ADGRV1: variants seen among roughly 807,000 people sequenced by gnomAD.
ADGRV1 encodes the protein G-protein coupled receptor 98.
Under a neutral mutation model 596.2 loss-of-function variants are expected in ADGRV1, and 359 were observed. That is an observed-to-expected ratio of 0.60 (90% confidence interval 0.55 to 0.66). The LOEUF (loss-of-function observed/expected upper bound fraction) is 0.66, where lower values mean the gene tolerates loss of function less well. ADGRV1 is among the 30% of genes least tolerant of loss of function. ADGRV1 has a pLI of 0.00. For synonymous variants in ADGRV1, 2,681 were observed against 2,679.2 expected (o/e 1.00, Z -0.02); for missense variants, 7,274 against 7,575.6 (o/e 0.96, Z 1.48).
chr5:90,788,148 C>CG lies in ADGRV1; in HGVS notation c.13734dup (p.Leu4579ValfsTer22). The CG allele has an allele frequency of 6.2e-7, 1 of 1,613,424 alleles. No homozygotes were observed. Among genetic ancestry groups the CG allele is most frequent in the Non-Finnish European group, 8.5e-7 (1 of 1,179,492 alleles). ...ATAGAGACATTGCAGACCCAGTGAGCGGGTTGTTCTATTTTGGAGAAGGAG... is the reference window on the plus strand; with the variant it reads ...ATAGAGACATTGCAGACCCAGTGAGCGGGGTTGTTCTATTTTGGAGAAGGAG... On this transcript the variant is annotated frameshift_variant, in exon 68 of 90. Coordinates refer to ENST00000405460, the MANE Select transcript of ADGRV1 (RefSeq NM_032119.4). LOFTEE classifies it high-confidence loss of function.
At position 90,690,927 on chromosome 5, in the gene ADGRV1, G is replaced by T; in HGVS notation, c.6837G>T (p.Gln2279His). Reference sequence around the variant, plus strand: ...AGTGGGTTGCCACCATTAATGGACAGCTTGCTACTGGCGACCTGCGAGTTG... The same window carrying T: ...AGTGGGTTGCCACCATTAATGGACATCTTGCTACTGGCGACCTGCGAGTTG... ...TVQWVATING[Q>H]LATGDLRVVS... The change falls in exon 31 of 90, where the codon CAG (glutamine) becomes CAT (histidine). Residue 2279 changes from glutamine to histidine, a missense_variant. Transcript: ENST00000405460. 6 of 1,613,830 alleles carry T rather than the reference G, an allele frequency of 3.7e-6. No individual in the cohort carries two copies. The highest frequency in any genetic ancestry group is 5.1e-6 in the Non-Finnish European group (6 of 1,179,822).
At chr5:90,785,964 C>A (rs1039862760) in intron 67 of ADGRV1, among the ~76,000 whole-genome samples, 1 of 152,124 alleles carries the variant, frequency 6.6e-6, no homozygotes, top group East Asian at 1.9e-4. Flanking sequence ...ATTTTTATTG[C>A]GGCACTGTTG....
At chr5:90,743,583 T>C (rs1006602341) in intron 50 of ADGRV1, among the ~76,000 whole-genome samples, 1 of 151,250 alleles carries the variant, frequency 6.6e-6, no homozygotes, top group African/African-American at 2.4e-5. Flanking sequence ...GCCATTCTCC[T>C]GTCTCAGCCT....
chr5:91,116,148 T>G (rs1307039150), intron 87 of ADGRV1, among the ~76,000 whole-genome samples: 1 of 152,170 alleles, frequency 6.6e-6, no homozygotes, highest in African/African-American at 2.4e-5. Context: ...CTTAAACTCT[T>G]TAGATAGATA....
At chr5:91,010,612 C>T (rs1458984698) in intron 85 of ADGRV1, among the ~76,000 whole-genome samples, 2 of 151,940 alleles carry the variant, frequency 1.3e-5, no homozygotes, top group South Asian at 4.1e-4. Flanking sequence ...ATGACAGTCA[C>T]CCCATAATAC....
intron 55 of ADGRV1, 39 bp downstream of exon 55, chr5:90,755,224 G>A: frequency 2.9e-6 from 4 of 1,363,614 alleles, no homozygotes; most frequent in Non-Finnish European, 4.0e-6. Flanking sequence ...TAAAATAGAG[G>A]AAAATTCTCT....
intron 85 of ADGRV1, among the ~76,000 whole-genome samples, chr5:91,000,317 T>C (rs1475081878): frequency 1.3e-5 from 2 of 152,146 alleles, no homozygotes; most frequent in Non-Finnish European, 2.9e-5. Context: ...TTCCTCAGCA[T>C]TGAATGTTAA....
At chr5:90,909,968 A>G (rs938035785) in intron 83 of ADGRV1, among the ~76,000 whole-genome samples, 2 of 152,264 alleles carry the variant, frequency 1.3e-5, no homozygotes, top group Admixed American at 1.3e-4. Flanking sequence ...TCAGTTGGTC[A>G]CATATCAACT....
At chr5:90,993,154 C>CTTTTTTT (rs1235025923) in intron 85 of ADGRV1, among the ~76,000 whole-genome samples, 3 of 97,638 alleles carry the variant, frequency 3.1e-5, no homozygotes, top group African/African-American at 8.1e-5. Flanking sequence ...TTGGTTTTCA[C>CTTTTTTT]TTTTTTTTTT....
chr5:91,060,594 A>G (rs1787338949), intron 85 of ADGRV1, among the ~76,000 whole-genome samples: 1 of 152,164 alleles, frequency 6.6e-6, no homozygotes, highest in South Asian at 2.1e-4. Flanking sequence ...AAATTTTAAT[A>G]ATAGTGCAAA....
At chr5:90,868,867 A>G (rs73181321) in intron 83 of ADGRV1, among the ~76,000 whole-genome samples, 2,238 of 152,208 alleles carry the variant, frequency 0.015, 50 homozygotes, top group African/African-American at 0.052. Context: ...TATTACATTC[A>G]TGACTGAGTG....
rs778709054 is a variant in ADGRV1 at position 90,619,111 on chromosome 5, G to T, written c.383G>T (p.Gly128Val). Reference sequence around the variant, plus strand: ...AAACCTTCAGCAAATGTGAAGCTTGGATGGCCAAGGACTGTTACTGTGACA... The same window carrying T: ...AAACCTTCAGCAAATGTGAAGCTTGTATGGCCAAGGACTGTTACTGTGACA... ...LQKPSANVKL[G>V]WPRTVTVTIL... Residue 128 changes from glycine to valine, a missense_variant, in exon 4 of 90, where the codon GGA becomes GTA. By Grantham distance (109) the Gly-to-Val change is moderately radical (BLOSUM62 -3). Around this residue, in one of 5 missense-constraint regions of ADGRV1, gnomAD observed 1,715 missense variants for 1,708.8 expected, o/e 1.00. Transcript: ENST00000405460. The T allele has an allele frequency of 1.4e-6, 2 of 1,470,858 alleles. No homozygotes were observed. The highest frequency in any genetic ancestry group is 2.0e-5 in the Admixed American group (1 of 49,060). 91.1% of individuals were successfully genotyped at this position (1,470,858 alleles called of 1,614,324 possible). A position where few individuals can be genotyped will look rare whatever the true frequency, so the allele number is the denominator to read the frequency against.
intron 1 of ADGRV1, among the ~76,000 whole-genome samples, chr5:90,566,798 C>T (rs552314): frequency 0.3 from 45,739 of 151,392 alleles, 8,506 homozygotes; most frequent in Non-Finnish European, 0.42. Flanking sequence ...TCCAAGGATA[C>T]GTTTTATTTT....
In ADGRV1 at chr5:90,629,376, A is replaced by T; in HGVS notation, c.1676A>T (p.Tyr559Phe). The T allele has an allele frequency of 2.5e-6, 4 of 1,613,680 alleles. No homozygotes were observed. Among genetic ancestry groups the T allele is most frequent in the Non-Finnish European group, 3.4e-6 (4 of 1,179,820 alleles). ...GDVRLLYSVL[Y>F]IPAGAVDPLQ... ...GTGAGGTTGCTTTATTCTGTACTTT[A>T]CATTCCTGCTGGAGCTGTGGACCCC... Residue 559 changes from tyrosine to phenylalanine, a missense_variant, in exon 9 of 90, where the codon TAC becomes TTC. Coordinates refer to ENST00000405460, the MANE Select transcript of ADGRV1 (RefSeq NM_032119.4).
intron 1 of ADGRV1, among the ~76,000 whole-genome samples, chr5:90,580,861 C>T (rs947543812): frequency 6.6e-6 from 1 of 151,754 alleles, no homozygotes; most frequent in Non-Finnish European, 1.5e-5. Context: ...CAGCTTGGTT[C>T]CATTCTCCCT....
At chr5:91,082,492 A>G (rs2126515779) in intron 86 of ADGRV1, among the ~76,000 whole-genome samples, 1 of 152,142 alleles carries the variant, frequency 6.6e-6, no homozygotes, top group Admixed American at 6.5e-5. Flanking sequence ...ATGACCAGCT[A>G]ATTTTTAAAA....
chr5:91,027,660 T>C (rs1784126880), intron 85 of ADGRV1, among the ~76,000 whole-genome samples: 2 of 152,182 alleles, frequency 1.3e-5, no homozygotes, highest in Admixed American at 6.5e-5. Flanking sequence ...TGCTTTAGTG[T>C]ACTATGCTTT....
chr5:90,613,798 G>A (rs114088096), intron 1 of ADGRV1, among the ~76,000 whole-genome samples: 2,364 of 152,136 alleles, frequency 0.016, 51 homozygotes, highest in African/African-American at 0.053. Flanking sequence ...TCATATATTT[G>A]GCGTGTCTAA....
intron 84 of ADGRV1, among the ~76,000 whole-genome samples, chr5:90,978,123 C>T (rs1338592138): frequency 6.6e-6 from 1 of 151,764 alleles, no homozygotes; most frequent in Non-Finnish European, 1.5e-5. Context: ...AGTGAAACCC[C>T]GTCTCTACTA....
Sources: allele counts gnomAD v4.1 joint callset (sites outside exome capture counted in the v4.1 genomes callset), GRCh38; gene constraint gnomAD v4.1.1; regional missense constraint gnomAD v4.1.1; transcripts MANE v1.5; gene names NCBI Gene and HGNC (gene_info 2026-07-23, HGNC 2026-07-21).